The following KAZN variants were observed in gnomAD, a reference collection of about 807,000 sequenced individuals.
The protein encoded by KAZN is kazrin, periplakin interacting protein, also known as kazrin.
A neutral mutation model predicts 87.4 loss-of-function variants in KAZN; 40 were observed. The observed-to-expected ratio is 0.46, with a 90% confidence interval of 0.36 to 0.60. The LOEUF is 0.60. Ranked by LOEUF, KAZN falls within the 20% of genes least tolerant of loss-of-function variation. KAZN has a pLI of 0.00. For missense variants in KAZN, 898 were observed against 1,073.9 expected, an observed-to-expected ratio of 0.84 and a Z score of 2.29; for synonymous variants, 466 against 458.3, an observed-to-expected ratio of 1.02 and a Z score of -0.22.
rs1040170809 is a variant in KAZN at position 14,026,185 on chromosome 1, A to G, written c.91+132429A>G. ...AGAATAATATATATAAATTCCTTAT[A>G]TATATTATTTCATTTAATCCTCCCA... On this transcript the variant is annotated intron_variant, in intron 1 of 16. Transcript: ENST00000636203. 2.6e-5 allele frequency among the ~76,000 whole-genome samples: 4 copies of G among 152,242 alleles called. No homozygotes were observed. The East Asian group carries it at 7.7e-4, about 29-fold the overall frequency.
At chr1:13,942,086 G>C (rs569929136) in intron 1 of KAZN, among the ~76,000 whole-genome samples, 2 of 152,048 alleles carry the variant, frequency 1.3e-5, no homozygotes, top group African/African-American at 2.4e-5. Flanking sequence ...TCCAGTTAGC[G>C]CCCTGAAATG....
chr1:15,030,146 G>C (rs981795832), intron 2 of KAZN, among the ~76,000 whole-genome samples: 1 of 152,182 alleles, frequency 6.6e-6, no homozygotes, highest in Non-Finnish European at 1.5e-5. Flanking sequence ...CTAGGAGGGC[G>C]GCCAGGATCC....
At chr1:14,108,139 T>A (rs1644420098) in intron 1 of KAZN, among the ~76,000 whole-genome samples, 1 of 152,068 alleles carries the variant, frequency 6.6e-6, no homozygotes, top group African/African-American at 2.4e-5. Context: ...TGAGGATGCT[T>A]TTTTTGTACC....
At chr1:14,354,352 C>A (rs1658810597) in intron 2 of KAZN, among the ~76,000 whole-genome samples, 1 of 152,010 alleles carries the variant, frequency 6.6e-6, no homozygotes, top group Non-Finnish European at 1.5e-5. Flanking sequence ...CATCAAAAGA[C>A]ACCATTAAGA....
chr1:14,637,237 G>A lies in KAZN; in HGVS notation c.226+38014G>A, dbSNP rs115523118. Among the ~76,000 whole-genome samples the A allele has an allele frequency of 4.2e-3, 635 of 152,272 alleles. 6 individuals carry two copies. Among genetic ancestry groups the A allele is most frequent in the African/African-American group, 0.015 (617 of 41,554 alleles). ...ATGTAAATGGGAATGATGGGCAGAG[G>A]CACACTGTTGACATCATGGTATTCA... On this transcript the variant is annotated intron_variant, in intron 1 of 14. Transcript: ENST00000376030.
rs913375647 is a variant in KAZN at position 14,923,367 on chromosome 1, A to T, written c.227-37317A>T. On this transcript the variant is annotated intron_variant, in intron 1 of 14. Transcript: ENST00000376030. This position sits in a 1 kb window ranked among gnomAD's most constrained non-coding sequence, Gnocchi z 4.2. The stretch of plus-strand genomic sequence containing the variant: ...TCACAGGAGCACTGCCAGCCTGAAC[A>T]CCCACTCCAGCGGGTGGGTTCTGTT... 2.6e-5 allele frequency among the ~76,000 whole-genome samples: 4 copies of T among 152,146 alleles called. No homozygotes were observed. The highest frequency in any genetic ancestry group is 9.7e-5 in the African/African-American group (4 of 41,424).
intron 6 of KAZN, chr1:15,061,369 TA>T (rs1233631364): frequency 5.3e-5 from 8 of 152,134 alleles, no homozygotes; most frequent in African/African-American, 1.9e-4. Flanking sequence ...TAGCTAAGAG[TA>T]AACTTCAGAG....
chr1:13,956,301 C>CTTTTTTTCT (rs1557744553), intron 1 of KAZN, among the ~76,000 whole-genome samples: 3 of 95,622 alleles, frequency 3.1e-5, no homozygotes, highest in Non-Finnish European at 7.0e-5. Context: ...CATTTCTTTT[C>CTTTTTTTCT]TTTTTTTTCT....
intron 2 of KAZN, among the ~76,000 whole-genome samples, chr1:14,966,205 C>G (rs1208326989): frequency 6.6e-6 from 1 of 152,150 alleles, no homozygotes; most frequent in Admixed American, 6.5e-5. Flanking sequence ...GTCTGGAACT[C>G]TTGACCTTAA....
chr1:14,347,869 TTC>T (rs1277147698), intron 2 of KAZN, among the ~76,000 whole-genome samples: 1 of 150,384 alleles, frequency 6.6e-6, no homozygotes, highest in Non-Finnish European at 1.5e-5. Context: ...ACTATTTTTT[TTC>T]TTTTTTCTTT....
intron 1 of KAZN, among the ~76,000 whole-genome samples, chr1:13,995,170 G>A (rs1307491617): frequency 6.8e-6 from 1 of 146,594 alleles, no homozygotes; most frequent in Non-Finnish European, 1.5e-5. Context: ...AATAAAACAA[G>A]GATTTCTCTT....
At chr1:14,877,720 C>T (rs991122661) in intron 1 of KAZN, among the ~76,000 whole-genome samples, 2 of 152,168 alleles carry the variant, frequency 1.3e-5, no homozygotes, top group African/African-American at 4.8e-5. Flanking sequence ...GTGCCTACTG[C>T]GTGAGCCTGT....
intron 1 of KAZN, among the ~76,000 whole-genome samples, chr1:13,908,113 A>G (rs1386003304): frequency 6.6e-6 from 1 of 152,224 alleles, no homozygotes; most frequent in Non-Finnish European, 1.5e-5. Flanking sequence ...GTGGCAGTCC[A>G]TTTTTCTACT....
At chr1:14,993,828 A>AACGG (rs1295570071) in intron 2 of KAZN, among the ~76,000 whole-genome samples, 2 of 152,256 alleles carry the variant, frequency 1.3e-5, no homozygotes, top group African/African-American at 2.4e-5. Context: ...CAGAAGAGAG[A>AACGG]ACTTTGAGCC....
chr1:14,843,239 G>T lies in KAZN; in HGVS notation c.227-117445G>T, dbSNP rs1183177671. On this transcript the variant is annotated intron_variant, in intron 1 of 14. Transcript: ENST00000376030. ...TCATACTAGACTCAAGGCAGTGTGT[G>T]GGGTCAAAGGGAGAGAGAATCCAGA... Among the ~76,000 whole-genome samples, 3 of 152,212 alleles carry T rather than the reference G, an allele frequency of 2.0e-5. No individual in the cohort carries two copies. The East Asian group carries it at 5.8e-4, about 29-fold the overall frequency.
chr1:14,562,596 A>G (rs1674322020), intron 2 of KAZN, among the ~76,000 whole-genome samples: 1 of 152,212 alleles, frequency 6.6e-6, no homozygotes, highest in Non-Finnish European at 1.5e-5. Flanking sequence ...AGCAGCAAGT[A>G]TTCAGCAAAA....
chr1:14,222,061 TG>T (rs778615791), intron 2 of KAZN: 3 of 152,306 alleles, frequency 2.0e-5, no homozygotes, highest in East Asian at 1.9e-4. Flanking sequence ...TCATCCAAAT[TG>T]CCAGAAGTCC....
At chr1:14,527,044 G>C (rs1671907497) in intron 2 of KAZN, among the ~76,000 whole-genome samples, 5 of 152,098 alleles carry the variant, frequency 3.3e-5, no homozygotes, top group Admixed American at 2.6e-4. Context: ...ACCTATTATT[G>C]CATAAGAAAC....
intron 2 of KAZN, among the ~76,000 whole-genome samples, chr1:14,234,414 G>GT (rs1648191602): frequency 1.3e-5 from 2 of 152,048 alleles, no homozygotes; most frequent in Admixed American, 1.3e-4. Flanking sequence ...GGGGATGGGG[G>GT]GCTAGGGGTG....
Sources: allele counts gnomAD v4.1 joint callset (sites outside exome capture counted in the v4.1 genomes callset), GRCh38; gene constraint gnomAD v4.1.1; non-coding constraint Gnocchi (gnomAD v3.1); transcripts MANE v1.5; gene names NCBI Gene and HGNC (gene_info 2026-07-23, HGNC 2026-07-21).